The following MACROD2 variants were observed in gnomAD, a reference collection of about 807,000 sequenced individuals.
The protein encoded by MACROD2 is ADP-ribose glycohydrolase MACROD2.
Under a neutral mutation model 70.4 loss-of-function variants are expected in MACROD2, and 36 were observed. The observed-to-expected ratio is 0.51, with a 90% CI of 0.39 to 0.68. The LOEUF (loss-of-function observed/expected upper bound fraction) is 0.68, where lower values mean the gene tolerates loss of function less well. Among genes scored for constraint, MACROD2 ranks in the 30% least tolerant of loss-of-function variants. MACROD2 has a pLI of 0.00. For missense variants in MACROD2, 496 were observed against 538.4 expected (o/e 0.92, Z 0.78); for synonymous variants, 172 against 178.8 (o/e 0.96, Z 0.30).
At chr20:15,486,291 T>C (rs2047162625) in intron 7 of MACROD2, among the ~76,000 whole-genome samples, 1 of 152,186 alleles carries the variant, frequency 6.6e-6, no homozygotes, top group Non-Finnish European at 1.5e-5. Context: ...TTGAAGAGCA[T>C]GGAGCCCCCA....
chr20:15,956,022 T>C (rs1216219939), intron 12 of MACROD2, among the ~76,000 whole-genome samples: 1 of 152,188 alleles, frequency 6.6e-6, no homozygotes, highest in Admixed American at 6.5e-5. Context: ...ATTCTTTGTA[T>C]GTGTATGAGC....
intron 5 of MACROD2, among the ~76,000 whole-genome samples, chr20:14,868,169 A>G (rs539560373): frequency 1.3e-5 from 2 of 150,718 alleles, no homozygotes; most frequent in East Asian, 1.9e-4. Context: ...TCTCTCCCAT[A>G]TCTTTTTCTT....
chr20:14,902,692 C>A (rs1321857312), intron 5 of MACROD2, among the ~76,000 whole-genome samples: 1 of 151,998 alleles, frequency 6.6e-6, no homozygotes, highest in Admixed American at 6.6e-5. Flanking sequence ...AAATAGGGAC[C>A]TTGCAGCTGT....
intron 8 of MACROD2, among the ~76,000 whole-genome samples, chr20:15,606,753 A>G (rs1030704320): frequency 6.6e-6 from 1 of 152,170 alleles, no homozygotes; most frequent in Non-Finnish European, 1.5e-5. Context: ...TTGTAATCCC[A>G]TCACTTTAGG....
chr20:15,844,479 G>A (rs1160066711), intron 8 of MACROD2, among the ~76,000 whole-genome samples: 1 of 152,132 alleles, frequency 6.6e-6, no homozygotes, highest in Admixed American at 6.6e-5. Context: ...AATTGAACAT[G>A]TAAGCCCCAT....
chr20:14,117,994 C>T (rs952273026), intron 3 of MACROD2, among the ~76,000 whole-genome samples: 2 of 152,048 alleles, frequency 1.3e-5, no homozygotes, highest in South Asian at 2.1e-4. Flanking sequence ...TCTGACTCAC[C>T]GTAGTCATGA....
At chr20:15,144,621 A>C (rs2076217223) in intron 5 of MACROD2, among the ~76,000 whole-genome samples, 1 of 152,206 alleles carries the variant, frequency 6.6e-6, no homozygotes, top group Non-Finnish European at 1.5e-5. Context: ...CAAAGTCATA[A>C]GAGCATAATT....
intron 8 of MACROD2, among the ~76,000 whole-genome samples, chr20:15,608,728 A>C (rs2048927271): frequency 6.6e-6 from 1 of 151,810 alleles, no homozygotes; most frequent in Non-Finnish European, 1.5e-5. Context: ...GCTGGTCTTC[A>C]CTTCCTTCTC....
At chr20:15,862,604 C>T (rs1029936785) in intron 8 of MACROD2, 141 bp from the exon 9 acceptor site, 4 of 629,544 alleles carry the variant, frequency 6.4e-6, no homozygotes, top group East Asian at 2.7e-5. Flanking sequence ...TTGAACTTCA[C>T]TCAATGCTAT....
At chr20:15,274,803 T>C (rs1483862878) in intron 6 of MACROD2, among the ~76,000 whole-genome samples, 1 of 152,188 alleles carries the variant, frequency 6.6e-6, no homozygotes, top group Non-Finnish European at 1.5e-5. Context: ...AATGGCACAT[T>C]GTGATAATTG....
intron 5 of MACROD2, among the ~76,000 whole-genome samples, chr20:14,997,818 T>C (rs765938036): frequency 9.2e-5 from 14 of 152,180 alleles, no homozygotes; most frequent in Non-Finnish European, 1.6e-4. Flanking sequence ...GCCTCGGGTC[T>C]CACCCAGCAT....
At chr20:14,998,082 G>A (rs918813915) in intron 5 of MACROD2, among the ~76,000 whole-genome samples, 1 of 152,184 alleles carries the variant, frequency 6.6e-6, no homozygotes, top group Admixed American at 6.5e-5. Flanking sequence ...AGTGACCAAA[G>A]ATTAGATCAC....
intron 3 of MACROD2, among the ~76,000 whole-genome samples, chr20:14,161,034 C>T (rs2055179517): frequency 6.6e-6 from 1 of 152,048 alleles, no homozygotes; most frequent in Admixed American, 6.5e-5. Flanking sequence ...TTATTTCCAT[C>T]TTTATGTTCG....
intron 6 of MACROD2, among the ~76,000 whole-genome samples, chr20:15,239,499 T>C (rs1488822905): frequency 6.6e-6 from 1 of 152,174 alleles, no homozygotes; most frequent in African/African-American, 2.4e-5. Flanking sequence ...AATATTTGCT[T>C]TCCTGGATGT....
intron 3 of MACROD2, among the ~76,000 whole-genome samples, chr20:14,297,783 A>G (rs1479786615): frequency 2.6e-5 from 4 of 151,938 alleles, no homozygotes; most frequent in Non-Finnish European, 4.4e-5. Flanking sequence ...ACACTAAACA[A>G]CAGGTTTTCA....
At chr20:15,662,614 G>A (rs2146819093) in intron 8 of MACROD2, among the ~76,000 whole-genome samples, 1 of 152,072 alleles carries the variant, frequency 6.6e-6, no homozygotes, top group East Asian at 1.9e-4. Flanking sequence ...GCATGCTAAG[G>A]ACAAGATATG....
intron 8 of MACROD2, among the ~76,000 whole-genome samples, chr20:15,516,227 T>C (rs2047565537): frequency 6.6e-6 from 1 of 152,244 alleles, no homozygotes; most frequent in African/African-American, 2.4e-5. Flanking sequence ...TTTCCAGTTC[T>C]GATGATACTA....
rs868467242 is a variant in MACROD2 at position 14,326,796 on chromosome 20, C to T, written c.272-166683C>T. 9 of 1,613,634 alleles carry T rather than the reference C, an allele frequency of 5.6e-6. No individual in the cohort carries two copies. The Middle Eastern group carries it at 9.9e-4, about 177-fold the overall frequency. The stretch of plus-strand genomic sequence containing the variant: ...CTGGAAGGTTTACTGGTGCAGCAGT[C>T]AGGGAATTCCGCACCAGGGACAGCT... On this transcript the variant is annotated intron_variant, in intron 3 of 17. Transcript: ENST00000684519. This position sits in a 1 kb window ranked among gnomAD's most constrained non-coding sequence, Gnocchi z 5.5.
At chr20:14,912,717 C>T (rs2122601075) in intron 5 of MACROD2, among the ~76,000 whole-genome samples, 1 of 152,174 alleles carries the variant, frequency 6.6e-6, no homozygotes, top group Non-Finnish European at 1.5e-5. Flanking sequence ...TCTTCAAGAG[C>T]TGGAACTGAG....
Sources: allele counts gnomAD v4.1 joint callset (sites outside exome capture counted in the v4.1 genomes callset), GRCh38; gene constraint gnomAD v4.1.1; non-coding constraint Gnocchi (gnomAD v3.1); transcripts MANE v1.5; gene names NCBI Gene and HGNC (gene_info 2026-07-23, HGNC 2026-07-21).